The following GRIP1 variants were observed in gnomAD, a reference collection of about 807,000 sequenced individuals.
GRIP1 encodes glutamate receptor interacting protein 1, also known as glutamate receptor-interacting protein 1.
A neutral mutation model predicts 129.9 loss-of-function variants in GRIP1; 45 were observed. That is an observed-to-expected ratio of 0.35 (90% CI 0.27 to 0.44). The LOEUF (loss-of-function observed/expected upper bound fraction) is 0.44, where lower values mean the gene tolerates loss of function less well. GRIP1 is among the 20% of genes least tolerant of loss of function. The probability of loss-of-function intolerance (pLI) is 1.00; values close to 1 mark genes in which losing one functional copy is unlikely to be tolerated. For synonymous variants in GRIP1, 530 were observed against 520.8 expected (o/e 1.02, Z -0.24); for missense variants, 1,196 against 1,396.8 (o/e 0.86, Z 2.29).
intron 7 of GRIP1, among the ~76,000 whole-genome samples, chr12:66,488,733 AAAG>A (rs1380920050): frequency 1.3e-5 from 2 of 152,212 alleles, no homozygotes; most frequent in South Asian, 2.1e-4. Flanking sequence ...CTAGATTAAT[AAAG>A]AAGAAAAGAG....
chr12:66,775,341 C>T (rs77143790), intron 1 of GRIP1, among the ~76,000 whole-genome samples: 2,819 of 152,276 alleles, frequency 0.019, 99 homozygotes, highest in African/African-American at 0.064. Context: ...ATTTAAAATA[C>T]ACGTGAGAGG....
intron 1 of GRIP1, among the ~76,000 whole-genome samples, chr12:67,020,912 C>G (rs1383230234): frequency 1.3e-5 from 2 of 151,890 alleles, no homozygotes; most frequent in African/African-American, 4.8e-5. Context: ...CCAGCCCGGG[C>G]AGCATGGTGA....
At chr12:66,355,967 T>TC (rs2054471001) in intron 23 of GRIP1, among the ~76,000 whole-genome samples, 1 of 152,098 alleles carries the variant, frequency 6.6e-6, no homozygotes, top group Non-Finnish European at 1.5e-5. Context: ...CCCTCACCCC[T>TC]CACCCAAGGC....
In GRIP1 at chr12:66,348,913, A is replaced by T; in HGVS notation, c.*106T>A. 1.2e-6 allele frequency: 1 copy of T among 841,566 alleles called. No individual in the cohort carries two copies. The highest frequency in any genetic ancestry group is 2.1e-6 in the Non-Finnish European group (1 of 476,024). The allele number at this position is 841,566 out of a possible 1,614,324, so 52.1% of individuals were successfully genotyped here. A position where few individuals can be genotyped will look rare whatever the true frequency, so the allele number is the denominator to read the frequency against. Reference sequence around the variant, plus strand: ...TTAAAAGACCCCTGTGCTTGCAGTTAATGCCACGTTGATTGATTATCTGTG... The same window carrying T: ...TTAAAAGACCCCTGTGCTTGCAGTTTATGCCACGTTGATTGATTATCTGTG... On this transcript the variant is annotated 3_prime_UTR_variant, in exon 25 of 25. Transcript: ENST00000359742.
At chr12:66,358,890 C>T (rs746864951) in intron 23 of GRIP1, among the ~76,000 whole-genome samples, 4 of 152,128 alleles carry the variant, frequency 2.6e-5, no homozygotes, top group Non-Finnish European at 5.9e-5. Context: ...TTCTTCAGAC[C>T]CTGTTTACTA....
intron 7 of GRIP1, among the ~76,000 whole-genome samples, chr12:66,500,991 G>A (rs1415063814): frequency 6.6e-6 from 1 of 152,176 alleles, no homozygotes; most frequent in Non-Finnish European, 1.5e-5. Context: ...AAAATGCTCT[G>A]ACCTCCTGAC....
At chr12:66,738,275 A>C (rs180781161) in intron 1 of GRIP1, among the ~76,000 whole-genome samples, 13 of 150,682 alleles carry the variant, frequency 8.6e-5, no homozygotes. Context: ...GCTGGAGTGC[A>C]GTGGCTCTAT....
At chr12:67,033,246 G>A (rs546549172) in intron 1 of GRIP1, among the ~76,000 whole-genome samples, 2 of 148,294 alleles carry the variant, frequency 1.3e-5, no homozygotes, top group Non-Finnish European at 3.0e-5. Context: ...ATGGGTGGTA[G>A]GAGACCTGGG....
intron 16 of GRIP1, among the ~76,000 whole-genome samples, chr12:66,400,087 T>C (rs749941608): frequency 1.3e-5 from 2 of 151,972 alleles, no homozygotes; most frequent in Non-Finnish European, 2.9e-5. Flanking sequence ...TTTCTCAAAG[T>C]GTAGTTCTAG....
At chr12:66,955,297 G>A (rs1347607232) in intron 1 of GRIP1, among the ~76,000 whole-genome samples, 1 of 152,032 alleles carries the variant, frequency 6.6e-6, no homozygotes, top group East Asian at 1.9e-4. Flanking sequence ...TCTCTAACCA[G>A]TTCGTAGGCC....
At chr12:67,057,455 A>C (rs1484081460) in intron 1 of GRIP1, among the ~76,000 whole-genome samples, 5 of 145,796 alleles carry the variant, frequency 3.4e-5, no homozygotes, top group South Asian at 2.2e-4. Flanking sequence ...AAAAAAAAAA[A>C]CTCCTGTTGT....
chr12:66,532,657 C>G (rs2061493559), intron 4 of GRIP1, among the ~76,000 whole-genome samples: 1 of 152,142 alleles, frequency 6.6e-6, no homozygotes, highest in African/African-American at 2.4e-5. Context: ...TGTTTTCCCT[C>G]TGCCATTGCC....
At chr12:66,616,629 A>G (rs2065048342) in intron 1 of GRIP1, among the ~76,000 whole-genome samples, 1 of 151,898 alleles carries the variant, frequency 6.6e-6, no homozygotes, top group African/African-American at 2.4e-5. Context: ...TGGGGAGAGG[A>G]TGGTGGGGGA....
intron 13 of GRIP1, among the ~76,000 whole-genome samples, chr12:66,436,471 G>A (rs1280324756): frequency 1.3e-5 from 2 of 152,110 alleles, no homozygotes; most frequent in African/African-American, 2.4e-5. Context: ...AGTTGGAGAT[G>A]GGTGTTTAAA....
intron 1 of GRIP1, among the ~76,000 whole-genome samples, chr12:66,700,730 A>G (rs2035323849): frequency 2.6e-5 from 4 of 152,174 alleles, no homozygotes; most frequent in African/African-American, 9.7e-5. Context: ...ACTGCTAGCA[A>G]GAGATGACAG....
At position 67,006,027 on chromosome 12, in the gene GRIP1, C is replaced by T. The variant is rs146397405; in HGVS notation, c.58+63023G>A. 2.1e-3 allele frequency among the ~76,000 whole-genome samples: 318 copies of T among 152,288 alleles called. 2 individuals are homozygous for T. Among genetic ancestry groups the T allele is most frequent in the African/African-American group, 7.3e-3 (305 of 41,564 alleles). Reference sequence around the variant, plus strand: ...TAATATCCACATACCAGCTCCTTGGCTTTTCAAAGGTGAGGATTGGATTAG... The same window carrying T: ...TAATATCCACATACCAGCTCCTTGGTTTTTCAAAGGTGAGGATTGGATTAG... On this transcript the variant is annotated intron_variant, in intron 1 of 1. Coordinates refer to the GRIP1 transcript ENST00000643019.
Position 66,797,082 on chromosome 12 carries a change from T to C in GRIP1, c.-420+6971A>G, listed in dbSNP as rs554564977. Reference sequence around the variant, plus strand: ...TAAGATTATGTAATAGTTAGTGAGATAGTGGGGTAGAATTCTAACACTTCA... The same window carrying C: ...TAAGATTATGTAATAGTTAGTGAGACAGTGGGGTAGAATTCTAACACTTCA... On this transcript the variant is annotated intron_variant, in intron 1 of 4. Coordinates refer to the GRIP1 transcript ENST00000538373. Among the ~76,000 whole-genome samples the C allele has an allele frequency of 4.6e-5, 7 of 152,296 alleles. No homozygotes were observed. In the East Asian group the frequency reaches 7.7e-4, roughly 17 times the overall value.
intron 1 of GRIP1, among the ~76,000 whole-genome samples, chr12:66,693,682 C>G (rs2035055949): frequency 6.6e-6 from 1 of 152,030 alleles, no homozygotes; most frequent in Non-Finnish European, 1.5e-5. Flanking sequence ...GCAAGTGGAC[C>G]ACGGACTCCC....
chr12:67,040,224 C>T (rs1048753569), intron 1 of GRIP1, among the ~76,000 whole-genome samples: 1 of 129,430 alleles, frequency 7.7e-6, no homozygotes, highest in African/African-American at 2.5e-5. Context: ...CCCCCACCCC[C>T]CCAGCAAAGT....
Sources: gnomAD v4.1 joint callset for allele counts (sites outside exome capture counted in the v4.1 genomes callset) on GRCh38, gnomAD v4.1.1 for gene constraint, MANE v1.5 for transcripts, NCBI Gene and HGNC (gene_info 2026-07-23, HGNC 2026-07-21) for gene names.